Variants in TSHZ3 observed in about 807,000 individuals in gnomAD.
The protein encoded by TSHZ3 is teashirt homolog 3.
A neutral mutation model predicts 64.5 loss-of-function variants in TSHZ3; 10 were observed. That is an observed-to-expected ratio of 0.16 (90% confidence interval 0.10 to 0.26). The LOEUF is 0.26. TSHZ3 is among the 10% of genes least tolerant of loss of function. The probability of loss-of-function intolerance (pLI) is 1.00; values close to 1 mark genes in which losing one functional copy is unlikely to be tolerated. For missense variants in TSHZ3, 1,242 were observed against 1,421.7 expected, an observed-to-expected ratio of 0.87 and a Z score of 2.03; for synonymous variants, 608 against 593.1, an observed-to-expected ratio of 1.03 and a Z score of -0.36.
rs3030229 is a variant in TSHZ3 at position 31,226,977 on chromosome 19, C to CTTTTTTTTTTTTT, written n.686+1015_686+1027dup. Among the ~76,000 whole-genome samples the CTTTTTTTTTTTTT allele has an allele frequency of 3.6e-3, 238 of 65,658 alleles. 6 individuals are homozygous for CTTTTTTTTTTTTT. Among genetic ancestry groups the CTTTTTTTTTTTTT allele is most frequent in the Middle Eastern group, 0.014 (1 of 70 alleles). The allele number at this position is 65,658 out of a possible 152,430, so 43.1% of individuals were successfully genotyped here. A position where few individuals can be genotyped will look rare whatever the true frequency, so the allele number is the denominator to read the frequency against. On this transcript the variant is annotated intron_variant and non_coding_transcript_variant, in intron 4 of 6. Coordinates refer to the TSHZ3 transcript ENST00000651361. ...TTTTCTTCTCTTTCTTTCTTTCTTT[C>CTTTTTTTTTTTTT]TTTTTTTTTTTTTTTTTTTGAGATG... is the stretch of plus-strand genomic sequence containing the variant.
At chr19:31,330,713 GGGA>G (rs952032112) in intron 1 of TSHZ3, among the ~76,000 whole-genome samples, 1 of 151,762 alleles carries the variant, frequency 6.6e-6, no homozygotes, top group Admixed American at 6.6e-5. Flanking sequence ...CTTGGGCGGG[GGGA>G]GGAAAGTCCA....
intron 4 of TSHZ3, among the ~76,000 whole-genome samples, chr19:31,223,952 G>A (rs114791889): frequency 6.6e-6 from 1 of 152,176 alleles, no homozygotes; most frequent in Non-Finnish European, 1.5e-5. Flanking sequence ...GAGGCTACTT[G>A]CGTCCAACTC....
At chr19:31,290,264 A>C (rs1023809987) in intron 1 of TSHZ3, among the ~76,000 whole-genome samples, 1 of 152,130 alleles carries the variant, frequency 6.6e-6, no homozygotes, top group African/African-American at 2.4e-5. Flanking sequence ...CTAACCAAAC[A>C]CATTCCCCCT....
chr19:31,204,274 C>A (rs1007925582), intron 5 of TSHZ3, among the ~76,000 whole-genome samples: 1 of 151,324 alleles, frequency 6.6e-6, no homozygotes, highest in Admixed American at 6.6e-5. Context: ...TTCTCTTGCT[C>A]CCTCTCTTCC....
intron 1 of TSHZ3, among the ~76,000 whole-genome samples, chr19:31,344,056 A>G (rs1917513953): frequency 6.6e-6 from 1 of 152,212 alleles, no homozygotes; most frequent in South Asian, 2.1e-4. Flanking sequence ...TCTAATTACA[A>G]CTGCACATTA....
intron 5 of TSHZ3, among the ~76,000 whole-genome samples, chr19:31,200,268 A>G (rs77361937): frequency 0.015 from 2,218 of 152,260 alleles, 48 homozygotes; most frequent in African/African-American, 0.051. Flanking sequence ...AAACCTGCAC[A>G]TGGATATGTA....
At chr19:31,320,596 T>C (rs1483514410) in intron 1 of TSHZ3, among the ~76,000 whole-genome samples, 2 of 152,124 alleles carry the variant, frequency 1.3e-5, no homozygotes, top group African/African-American at 2.4e-5. Flanking sequence ...AGAAGGGACA[T>C]GTTCAGGATG....
At chr19:31,230,459 G>C (rs1445490327) in intron 3 of TSHZ3, among the ~76,000 whole-genome samples, 1 of 152,072 alleles carries the variant, frequency 6.6e-6, no homozygotes, top group Non-Finnish European at 1.5e-5. Flanking sequence ...ATTACTTTTT[G>C]TAACAAGATT....
chr19:31,284,163 G>A (rs1976413822), intron 1 of TSHZ3, among the ~76,000 whole-genome samples: 1 of 152,140 alleles, frequency 6.6e-6, no homozygotes, highest in Non-Finnish European at 1.5e-5. Flanking sequence ...CTTGCATGCA[G>A]TAGCTGAGCA....
At chr19:31,332,996 T>C (rs1057081277) in intron 1 of TSHZ3, among the ~76,000 whole-genome samples, 1 of 151,814 alleles carries the variant, frequency 6.6e-6, no homozygotes, top group African/African-American at 2.4e-5. Context: ...TCCCAGCTAC[T>C]CAGGAGGCTG....
intron 5 of TSHZ3, among the ~76,000 whole-genome samples, chr19:31,177,118 C>T (rs546741858): frequency 6.6e-6 from 1 of 152,198 alleles, no homozygotes; most frequent in Non-Finnish European, 1.5e-5. Flanking sequence ...TCCCAGCAGA[C>T]TTTTCCCAGC....
intron 1 of TSHZ3, among the ~76,000 whole-genome samples, chr19:31,321,696 CAG>C (rs1347593469): frequency 2.6e-5 from 4 of 152,092 alleles, no homozygotes; most frequent in Non-Finnish European, 2.9e-5. Flanking sequence ...GTGTGTGAGA[CAG>C]AGGGAGTGAG....
At position 31,183,221 on chromosome 19, in the gene TSHZ3, TC is replaced by T. The variant is rs869310088; in HGVS notation, n.809+21734del. Among the ~76,000 whole-genome samples, 69 of 29,920 alleles carry T rather than the reference TC, an allele frequency of 2.3e-3. 1 individual carries two copies. Among genetic ancestry groups the T allele is most frequent in the African/African-American group, 8.0e-3 (68 of 8,548 alleles). The allele number at this position is 29,920 out of a possible 152,430, so 19.6% of individuals were successfully genotyped here. A position where few individuals can be genotyped will look rare whatever the true frequency, so the allele number is the denominator to read the frequency against. Reference sequence around the variant, plus strand: ...CTCTCTCTCTCTCTCTCTCTCTCTCTCTCTCTTTCTCTCTCTCTCTCCATCC... The same window carrying T: ...CTCTCTCTCTCTCTCTCTCTCTCTCTTCTCTTTCTCTCTCTCTCTCCATCC... On this transcript the variant is annotated intron_variant and non_coding_transcript_variant, in intron 5 of 6. Coordinates refer to the TSHZ3 transcript ENST00000651361.
intron 1 of TSHZ3, among the ~76,000 whole-genome samples, chr19:31,306,760 G>A (rs889879341): frequency 9.9e-5 from 15 of 152,212 alleles, no homozygotes; most frequent in Admixed American, 6.5e-5. Context: ...AGGGTTACAC[G>A]TGTATAAAAA....
chr19:31,169,475 G>A (rs145608145), intron 5 of TSHZ3, among the ~76,000 whole-genome samples: 3 of 152,296 alleles, frequency 2.0e-5, no homozygotes, highest in East Asian at 3.9e-4. Flanking sequence ...GAGAATTACT[G>A]TTTAATTCAG....
At chr19:31,244,596 A>T (rs1975736127) in intron 1 of TSHZ3, among the ~76,000 whole-genome samples, 1 of 152,204 alleles carries the variant, frequency 6.6e-6, no homozygotes, top group South Asian at 2.1e-4. Flanking sequence ...GATTGCCCAA[A>T]TTGTGATTTA....
chr19:31,280,850 T>A (rs1232864095), intron 1 of TSHZ3, among the ~76,000 whole-genome samples: 1 of 151,994 alleles, frequency 6.6e-6, no homozygotes, highest in East Asian at 1.9e-4. Context: ...CAACAGGGTG[T>A]TTTTTTTGTT....
chr19:31,182,397 T>A (rs939194663), intron 5 of TSHZ3, among the ~76,000 whole-genome samples: 21 of 152,324 alleles, frequency 1.4e-4, no homozygotes, highest in African/African-American at 5.0e-4. Context: ...AGCTGAAGTC[T>A]GCCTAGGGGA....
intron 5 of TSHZ3, among the ~76,000 whole-genome samples, chr19:31,180,634 C>T (rs1012800730): frequency 6.6e-5 from 10 of 152,220 alleles, no homozygotes; most frequent in African/African-American, 2.4e-4. Context: ...ACAAACCTGT[C>T]TTCCTGTTAA....
Sources: gnomAD v4.1 joint callset for allele counts (sites outside exome capture counted in the v4.1 genomes callset) on GRCh38, gnomAD v4.1.1 for gene constraint, MANE v1.5 for transcripts, NCBI Gene and HGNC (gene_info 2026-07-23, HGNC 2026-07-21) for gene names.